The following DOCK2 variants were observed in gnomAD, a reference collection of about 807,000 sequenced individuals.
The protein encoded by DOCK2 is dedicator of cytokinesis protein 2.
DOCK2 carries 87 observed loss-of-function variants against 248.9 expected under a neutral mutation model. That is an observed-to-expected ratio of 0.35 (90% CI 0.29 to 0.42). The LOEUF (loss-of-function observed/expected upper bound fraction) is 0.42. Among genes scored for constraint, DOCK2 ranks in the 10% least tolerant of loss-of-function variants. The pLI is 1.00. For synonymous variants in DOCK2, 805 were observed against 821.6 expected, an observed-to-expected ratio of 0.98 and a Z score of 0.35; for missense variants, 1,747 against 2,300.2, an observed-to-expected ratio of 0.76 and a Z score of 4.92.
At chr5:169,983,452 A>G (rs1414650657) in intron 28 of DOCK2, among the ~76,000 whole-genome samples, 1 of 152,174 alleles carries the variant, frequency 6.6e-6, no homozygotes, top group African/African-American at 2.4e-5. Context: ...AATGTCATTT[A>G]TGTCATAGGG....
At chr5:169,829,901 C>T (rs186033420) in intron 26 of DOCK2, among the ~76,000 whole-genome samples, 1 of 152,296 alleles carries the variant, frequency 6.6e-6, no homozygotes, top group East Asian at 1.9e-4. Context: ...GATCTAAAAG[C>T]AGATGACCCT....
chr5:170,004,112 T>A (rs915814584), intron 30 of DOCK2, among the ~76,000 whole-genome samples: 3 of 152,234 alleles, frequency 2.0e-5, no homozygotes, highest in Admixed American at 2.0e-4. Context: ...TACAAAAATG[T>A]TCATAGCAGC....
intron 26 of DOCK2, among the ~76,000 whole-genome samples, chr5:169,807,370 C>A (rs896870754): frequency 1.3e-5 from 2 of 152,144 alleles, no homozygotes; most frequent in African/African-American, 4.8e-5. Context: ...CTAGCAAGTT[C>A]CCAGGTGCTG....
In DOCK2 at chr5:169,702,403, C is replaced by T. The variant is rs753193611; in HGVS notation, c.1359C>T (p.Cys453=). 15 of 1,613,524 alleles carry T rather than the reference C, an allele frequency of 9.3e-6. No individual in the cohort carries two copies. Among genetic ancestry groups the T allele is most frequent in the East Asian group, 8.9e-5 (4 of 44,848 alleles). ...QRNVEVIMCV[C]AEDGKTLPNA... is the part of the protein sequence containing the mutation. ...ATGTGGAAGTCATCATGTGTGTGTGCGCGGAGGATGGCAAAACGCTGCCTG... is the reference window on the plus strand; with the variant it reads ...ATGTGGAAGTCATCATGTGTGTGTGTGCGGAGGATGGCAAAACGCTGCCTG... Residue 453 remains cysteine (C), a synonymous_variant, in exon 14 of 52, where the codon TGC becomes TGT. Coordinates refer to ENST00000520908, the MANE Select transcript of DOCK2 (RefSeq NM_004946.3).
intron 27 of DOCK2, among the ~76,000 whole-genome samples, chr5:169,927,614 T>C (rs1318418832): frequency 1.3e-5 from 2 of 152,170 alleles, no homozygotes; most frequent in African/African-American, 2.4e-5. Context: ...GTAAAACATA[T>C]AGGAAAAATT....
At chr5:170,043,135 G>A (rs1390751346) in intron 38 of DOCK2, among the ~76,000 whole-genome samples, 1 of 152,180 alleles carries the variant, frequency 6.6e-6, no homozygotes, top group African/African-American at 2.4e-5. Context: ...AAACTGCCAT[G>A]CACCCTATAG....
intron 30 of DOCK2, 100 bp downstream of exon 30, chr5:169,996,264 C>A: frequency 3.3e-6 from 4 of 1,227,652 alleles, no homozygotes; most frequent in African/African-American, 1.5e-5. Context: ...GCCACAGAAG[C>A]TGTCCCAGTC....
chr5:169,747,017 T>G (rs1763650218), intron 22 of DOCK2, among the ~76,000 whole-genome samples: 1 of 152,174 alleles, frequency 6.6e-6, no homozygotes, highest in African/African-American at 2.4e-5. Flanking sequence ...CATTTGAAAA[T>G]ATTTCTCCTT....
intron 15 of DOCK2, among the ~76,000 whole-genome samples, chr5:169,711,522 C>G (rs1441943186): frequency 6.6e-6 from 1 of 152,206 alleles, no homozygotes; most frequent in Non-Finnish European, 1.5e-5. Flanking sequence ...CTCAAGCAAA[C>G]CCCCTAACAA....
At chr5:169,892,155 T>C (rs1323289321) in intron 27 of DOCK2, among the ~76,000 whole-genome samples, 1 of 152,064 alleles carries the variant, frequency 6.6e-6, no homozygotes, top group Non-Finnish European at 1.5e-5. Context: ...AATTCCAATA[T>C]CTAAAACACA....
Position 169,923,483 on chromosome 5 carries a change from G to GCACACA in DOCK2, c.2800-59561_2800-59556dup, listed in dbSNP as rs34053722. Among the ~76,000 whole-genome samples, 525 of 148,922 alleles carry GCACACA rather than the reference G, an allele frequency of 3.5e-3. 3 individuals are homozygous for GCACACA. Among genetic ancestry groups the GCACACA allele is most frequent in the African/African-American group, 0.012 (496 of 40,598 alleles). ...CATGCGTGCGTGTGCATGCACGTGG[G>GCACACA]CACACACACACACACACACACACAC... is the stretch of plus-strand genomic sequence containing the variant. On this transcript the variant is annotated intron_variant, in intron 27 of 51. Transcript: ENST00000520908.
intron 27 of DOCK2, among the ~76,000 whole-genome samples, chr5:169,888,812 C>G (rs1403306765): frequency 6.6e-6 from 1 of 152,204 alleles, no homozygotes; most frequent in Non-Finnish European, 1.5e-5. Context: ...TAGAACCCAG[C>G]TGGTAGCCAT....
At position 169,821,423 on chromosome 5, in the gene DOCK2, C is replaced by T. The variant is rs557032176; in HGVS notation, c.2703+18217C>T. ...CCCATCAGACTAACAGCTGATCTCT[C>T]GGCAGAAACTCTACAAGCCAGAAGA... On this transcript the variant is annotated intron_variant, in intron 26 of 51. Coordinates refer to ENST00000520908, the MANE Select transcript of DOCK2 (RefSeq NM_004946.3). 4.6e-3 allele frequency among the ~76,000 whole-genome samples: 698 copies of T among 152,262 alleles called. 2 individuals are homozygous for T. Among genetic ancestry groups the T allele is most frequent in the African/African-American group, 0.016 (666 of 41,530 alleles).
intron 29 of DOCK2, among the ~76,000 whole-genome samples, chr5:169,991,897 C>G (rs183590012): frequency 1.4e-3 from 212 of 152,304 alleles, no homozygotes; most frequent in Non-Finnish European, 2.7e-3. Flanking sequence ...AACAGTAGCT[C>G]CTATTTCAGT....
At chr5:169,955,538 T>C (rs1414444681) in intron 27 of DOCK2, among the ~76,000 whole-genome samples, 2 of 152,220 alleles carry the variant, frequency 1.3e-5, no homozygotes, top group African/African-American at 2.4e-5. Context: ...GTATTTTCTC[T>C]TGGTCATTAG....
intron 27 of DOCK2, among the ~76,000 whole-genome samples, chr5:169,964,797 G>T (rs989431032): frequency 1.1e-4 from 17 of 152,226 alleles, no homozygotes; most frequent in African/African-American, 4.1e-4. Flanking sequence ...TGTAAAAGGT[G>T]TATAATAATG....
chr5:169,801,689 G>A (rs1035495287), intron 25 of DOCK2, among the ~76,000 whole-genome samples: 2 of 152,078 alleles, frequency 1.3e-5, no homozygotes, highest in African/African-American at 2.4e-5. Context: ...ACTCCCCCAC[G>A]TACAGTCAGG....
intron 27 of DOCK2, among the ~76,000 whole-genome samples, chr5:169,940,408 G>A (rs771259653): frequency 1.3e-5 from 2 of 152,158 alleles, no homozygotes; most frequent in African/African-American, 4.8e-5. Flanking sequence ...GACCAGTTTC[G>A]TGGAAGACAA....
intron 27 of DOCK2, among the ~76,000 whole-genome samples, chr5:169,841,837 T>C (rs2033206): frequency 0.17 from 25,972 of 152,254 alleles, 2,636 homozygotes; most frequent in Admixed American, 0.24. Flanking sequence ...CTCATGAGAA[T>C]ATGAGCTCCA....
Sources: allele counts gnomAD v4.1 joint callset (sites outside exome capture counted in the v4.1 genomes callset), GRCh38; gene constraint gnomAD v4.1.1; transcripts MANE v1.5; gene names NCBI Gene and HGNC (gene_info 2026-07-23, HGNC 2026-07-21).